The following RCOR1 variants were observed in gnomAD, a reference collection of about 807,000 sequenced individuals.
RCOR1 encodes REST corepressor.
RCOR1 carries 12 observed loss-of-function variants against 64.0 expected under a neutral mutation model. The observed-to-expected ratio is 0.19, with a 90% CI of 0.12 to 0.30. The LOEUF is 0.30. RCOR1 is among the 10% of genes least tolerant of loss of function. The pLI, the probability that RCOR1 is intolerant of heterozygous loss-of-function variation, is 1.00. For missense variants in RCOR1, 502 were observed against 621.2 expected (o/e 0.81, Z 2.04); for synonymous variants, 279 against 227.2 (o/e 1.23, Z -2.05).
intron 2 of RCOR1, among the ~76,000 whole-genome samples, chr14:102,622,536 G>A (rs1335221346): frequency 1.3e-5 from 2 of 152,062 alleles, no homozygotes; most frequent in Non-Finnish European, 2.9e-5. Flanking sequence ...TTCTGATCCT[G>A]TTTTTCACCT....
At chr14:102,676,625 G>GT (rs1431590626) in intron 2 of RCOR1, among the ~76,000 whole-genome samples, 2 of 88,048 alleles carry the variant, frequency 2.3e-5, no homozygotes, top group Non-Finnish European at 4.7e-5. Context: ...GGCTGGCCAG[G>GT]TGGGGGGCTG....
At chr14:102,634,545 T>C (rs1894191368) in intron 2 of RCOR1, among the ~76,000 whole-genome samples, 2 of 151,958 alleles carry the variant, frequency 1.3e-5, no homozygotes, top group Admixed American at 1.3e-4. Flanking sequence ...TTTCAGGTAA[T>C]GCATAACAAA....
chr14:102,612,553 C>G (rs764000040), intron 2 of RCOR1, among the ~76,000 whole-genome samples: 9 of 151,994 alleles, frequency 5.9e-5, no homozygotes, highest in Non-Finnish European at 1.0e-4. Context: ...CCAGGCTGCT[C>G]TTGAACTCCT....
At chr14:102,719,206 G>A (rs538444987) in intron 8 of RCOR1, among the ~76,000 whole-genome samples, 32 of 152,132 alleles carry the variant, frequency 2.1e-4, no homozygotes, top group African/African-American at 7.0e-4. Context: ...CCTCAGCCTC[G>A]CAAGTAGTTG....
At chr14:102,622,211 C>G (rs920837340) in intron 2 of RCOR1, among the ~76,000 whole-genome samples, 2 of 152,122 alleles carry the variant, frequency 1.3e-5, no homozygotes, top group African/African-American at 2.4e-5. Flanking sequence ...TTTATCTACC[C>G]GAGATTTATT....
At chr14:102,604,374 A>G (rs975663310) in intron 2 of RCOR1, among the ~76,000 whole-genome samples, 4 of 152,208 alleles carry the variant, frequency 2.6e-5, no homozygotes, top group African/African-American at 4.8e-5. Flanking sequence ...ACTCCTTATA[A>G]GGCAATGGGT....
chr14:102,668,436 A>C (rs1894960428), intron 2 of RCOR1, among the ~76,000 whole-genome samples: 1 of 152,208 alleles, frequency 6.6e-6, no homozygotes, highest in Non-Finnish European at 1.5e-5. Flanking sequence ...TTTGTTACCA[A>C]GCAATTAACA....
At chr14:102,654,731 AAAG>A (rs904533792) in intron 2 of RCOR1, among the ~76,000 whole-genome samples, 9 of 151,894 alleles carry the variant, frequency 5.9e-5, no homozygotes, top group African/African-American at 9.7e-5. Context: ...ATTTTTAAAA[AAAG>A]AAAAAAAATA....
chr14:102,600,568 A>AT (rs750778582), intron 2 of RCOR1, among the ~76,000 whole-genome samples: 3,992 of 127,004 alleles, frequency 0.031, 173 homozygotes, highest in African/African-American at 0.079. Flanking sequence ...TGCCCAGCTA[A>AT]TTTTTTTTTT....
Position 102,682,017 on chromosome 14 carries a change from T to A in RCOR1, c.445+39T>A, listed in dbSNP as rs771695158. 19 of 1,421,816 alleles carry A rather than the reference T, an allele frequency of 1.3e-5. No homozygotes were observed. In the Middle Eastern group the frequency reaches 7.0e-4, roughly 53 times the overall value. The allele number at this position is 1,421,816 out of a possible 1,614,324, so 88.1% of individuals were successfully genotyped here. On this transcript the variant is annotated intron_variant, in intron 3 of 11. Coordinates refer to ENST00000262241, the MANE Select transcript of RCOR1 (RefSeq NM_015156.4). ...CACTTTATTTTCCACCTTTCTTGTT[T>A]AATGTAAGGTTTTAAAGGTACCTTT... is the stretch of plus-strand genomic sequence containing the variant.
intron 2 of RCOR1, among the ~76,000 whole-genome samples, chr14:102,614,854 C>T (rs1268244715): frequency 2.7e-5 from 4 of 147,546 alleles, no homozygotes; most frequent in East Asian, 2.0e-4. Flanking sequence ...TTTTTTGAGA[C>T]GGAGTCTCGC....
At chr14:102,613,525 C>T (rs1373358168) in intron 2 of RCOR1, among the ~76,000 whole-genome samples, 10 of 150,562 alleles carry the variant, frequency 6.6e-5, no homozygotes, top group African/African-American at 9.8e-5. Context: ...CTCCGCCTTC[C>T]GGGTTCACGC....
chr14:102,719,550 T>C (rs1378872830), intron 8 of RCOR1, among the ~76,000 whole-genome samples: 1 of 152,228 alleles, frequency 6.6e-6, no homozygotes, highest in East Asian at 1.9e-4. Context: ...GTTTCCAGCT[T>C]CATCCATGTC....
rs1455232500 is a variant in RCOR1 at position 102,592,680 on chromosome 14, C to G, written c.-207C>G. ...AGTGAAGTGAGGGCGGCGATGAGAG[C>G]GAAAGTTGCGCTCGGCTCGTCGCTG... On this transcript the variant is annotated 5_prime_UTR_variant, in exon 1 of 12. Coordinates refer to ENST00000262241, the MANE Select transcript of RCOR1 (RefSeq NM_015156.4). 8.1e-7 allele frequency: 1 copy of G among 1,228,402 alleles called. No individual in the cohort carries two copies. The highest frequency in any genetic ancestry group is 1.0e-6 in the Non-Finnish European group (1 of 985,898). The allele number at this position is 1,228,402 out of a possible 1,614,324, so 76.1% of individuals were successfully genotyped here.
chr14:102,673,872 C>T (rs570952054), intron 2 of RCOR1, among the ~76,000 whole-genome samples: 3 of 152,304 alleles, frequency 2.0e-5, no homozygotes, highest in South Asian at 4.1e-4. Flanking sequence ...GCCGCCGCCT[C>T]GCCAAGTGCT....
intron 3 of RCOR1, among the ~76,000 whole-genome samples, chr14:102,695,759 C>T (rs920511464): frequency 6.7e-6 from 1 of 150,290 alleles, no homozygotes; most frequent in Non-Finnish European, 1.5e-5. Context: ...CCATGTTGGC[C>T]AGGCTGGTTT....
chr14:102,606,718 C>T (rs1398206467), intron 2 of RCOR1, among the ~76,000 whole-genome samples: 1 of 148,770 alleles, frequency 6.7e-6, no homozygotes, highest in African/African-American at 2.5e-5. Flanking sequence ...TGCATGCAGC[C>T]TTGACTTCTT....
intron 2 of RCOR1, among the ~76,000 whole-genome samples, chr14:102,615,343 T>G (rs902369807): frequency 5.3e-5 from 8 of 151,610 alleles, no homozygotes; most frequent in African/African-American, 1.9e-4. Flanking sequence ...GGTTTCACCA[T>G]GTTGTCCCAG....
rs148057057 is a variant in RCOR1, at chr14:102,594,420, T to G, written c.361+1095T>G. Among the ~76,000 whole-genome samples, 24 of 152,264 alleles carry G rather than the reference T, an allele frequency of 1.6e-4. No individual in the cohort carries two copies. The East Asian group carries it at 3.3e-3, about 21-fold the overall frequency. ...ACTGCAGAAAATTGCAATGATCTAG[T>G]CCTTGAAAAAGGCGATTGCTCTCAA... On this transcript the variant is annotated intron_variant, in intron 2 of 11. Coordinates refer to ENST00000262241, the MANE Select transcript of RCOR1 (RefSeq NM_015156.4).
Sources: allele counts gnomAD v4.1 joint callset (sites outside exome capture counted in the v4.1 genomes callset), GRCh38; gene constraint gnomAD v4.1.1; transcripts MANE v1.5; gene names NCBI Gene and HGNC (gene_info 2026-07-23, HGNC 2026-07-21).